SRPK1: variants seen among roughly 807,000 people sequenced by gnomAD.
SRPK1 encodes SRSF protein kinase 1.
A neutral mutation model predicts 89.5 loss-of-function variants in SRPK1; 52 were observed. The ratio of observed to expected loss-of-function variants is 0.58; its 90% CI spans 0.46 to 0.73. The LOEUF (loss-of-function observed/expected upper bound fraction) is 0.73. Ranked by LOEUF, SRPK1 falls within the 30% of genes least tolerant of loss-of-function variation. The probability of loss-of-function intolerance (pLI) is 0.00; values close to 1 mark genes in which losing one functional copy is unlikely to be tolerated. For synonymous variants in SRPK1, 255 were observed against 270.2 expected (o/e 0.94, Z 0.55); for missense variants, 603 against 780.6 (o/e 0.77, Z 2.71).
chr6:35,893,275 A>G (rs987643409), intron 2 of SRPK1, among the ~76,000 whole-genome samples: 2 of 152,208 alleles, frequency 1.3e-5, no homozygotes, highest in Non-Finnish European at 2.9e-5. Context: ...CCTTGAGCCT[A>G]AAAGTTCAAG....
intron 2 of SRPK1, among the ~76,000 whole-genome samples, chr6:35,892,398 T>C (rs1386571827): frequency 2.0e-5 from 3 of 152,050 alleles, no homozygotes; most frequent in African/African-American, 7.2e-5. Context: ...ATGCCTGTAA[T>C]CCCAGCACTT....
chr6:35,902,863 T>C (rs1178036957), intron 2 of SRPK1, among the ~76,000 whole-genome samples: 1 of 152,212 alleles, frequency 6.6e-6, no homozygotes, highest in African/African-American at 2.4e-5. Context: ...GCATAAAAAC[T>C]AGCAGAAGGG....
intron 13 of SRPK1, among the ~76,000 whole-genome samples, chr6:35,844,905 G>A (rs150788159): frequency 5.9e-5 from 9 of 152,160 alleles, no homozygotes; most frequent in East Asian, 1.9e-4. Context: ...AGAGCCAGCC[G>A]CGGCAGTGCT....
Position 35,835,219 on chromosome 6 carries a change from C to T in SRPK1, c.*85G>A. The stretch of plus-strand genomic sequence containing the variant: ...CTAGAAACTCTTGAAGGAAGAGCTT[C>T]ACCCTGAAAAGGGAAGAGGAAAATG... On this transcript the variant is annotated 3_prime_UTR_variant, in exon 16 of 16. Transcript: ENST00000373825. 8.4e-7 allele frequency: 1 copy of T among 1,190,268 alleles called. No homozygotes were observed. The highest frequency in any genetic ancestry group is 2.7e-5 in the Admixed American group (1 of 36,446). The allele number at this position is 1,190,268 out of a possible 1,614,324, so 73.7% of individuals were successfully genotyped here.
chr6:35,874,196 G>A (rs1283259924), intron 7 of SRPK1, 37 bp downstream of exon 7: 5 of 1,470,012 alleles, frequency 3.4e-6, no homozygotes, highest in Non-Finnish European at 3.8e-6. Context: ...TCACTACATA[G>A]TCAAGACTAA....
At chr6:35,889,668 C>T (rs1279337573) in intron 3 of SRPK1, among the ~76,000 whole-genome samples, 1 of 152,140 alleles carries the variant, frequency 6.6e-6, no homozygotes, top group Non-Finnish European at 1.5e-5. Flanking sequence ...CCTGTAGTCC[C>T]AGCTACTCGG....
At chr6:35,852,551 C>T (rs1166462037) in intron 13 of SRPK1, among the ~76,000 whole-genome samples, 2 of 152,204 alleles carry the variant, frequency 1.3e-5, no homozygotes, top group Non-Finnish European at 2.9e-5. Flanking sequence ...CAGTGACTTA[C>T]TGCTGTTGAA....
chr6:35,885,329 A>AGAGC (rs1275804013), intron 6 of SRPK1, among the ~76,000 whole-genome samples: 1 of 146,768 alleles, frequency 6.8e-6, no homozygotes, highest in African/African-American at 2.5e-5. Flanking sequence ...AGAGAGAGAG[A>AGAGC]GCCATCTACA....
At chr6:35,900,396 T>C (rs542299290) in intron 2 of SRPK1, among the ~76,000 whole-genome samples, 3 of 152,218 alleles carry the variant, frequency 2.0e-5, no homozygotes, top group Non-Finnish European at 4.4e-5. Context: ...GTATTCAACT[T>C]AGTTTTACTG....
intron 8 of SRPK1, among the ~76,000 whole-genome samples, chr6:35,871,731 C>G (rs192784994): frequency 2.8e-4 from 42 of 152,130 alleles, no homozygotes; most frequent in Admixed American, 5.9e-4. Context: ...CATAAAGCAG[C>G]CTTTATTTAT....
At chr6:35,854,337 T>C (rs911176617) in intron 13 of SRPK1, among the ~76,000 whole-genome samples, 1 of 152,176 alleles carries the variant, frequency 6.6e-6, no homozygotes, top group Non-Finnish European at 1.5e-5. Context: ...TCTCATTACC[T>C]CTCAGAGAGG....
At chr6:35,847,839 T>A (rs1010478924) in intron 13 of SRPK1, among the ~76,000 whole-genome samples, 30 of 152,194 alleles carry the variant, frequency 2.0e-4, no homozygotes, top group East Asian at 1.2e-3. Context: ...ATTTTATTTT[T>A]TTTTTTGAGA....
At chr6:35,915,455 A>T (rs2127270774) in intron 2 of SRPK1, among the ~76,000 whole-genome samples, 1 of 152,066 alleles carries the variant, frequency 6.6e-6, no homozygotes, top group East Asian at 1.9e-4. Context: ...ATTTTGACAA[A>T]ATGAACTAAA....
intron 13 of SRPK1, among the ~76,000 whole-genome samples, chr6:35,855,310 AAAAC>A (rs1417813610): frequency 1.3e-5 from 2 of 152,086 alleles, no homozygotes; most frequent in South Asian, 2.1e-4. Flanking sequence ...TCAGAAAAAA[AAAAC>A]AAACAAAAAC....
At chr6:35,882,538 G>T (rs977169300) in intron 6 of SRPK1, among the ~76,000 whole-genome samples, 3 of 151,822 alleles carry the variant, frequency 2.0e-5, no homozygotes, top group African/African-American at 7.3e-5. Flanking sequence ...GGCTGGTCTT[G>T]AACACCTCAG....
At chr6:35,914,844 G>C (rs1164346729) in intron 2 of SRPK1, among the ~76,000 whole-genome samples, 1 of 151,906 alleles carries the variant, frequency 6.6e-6, no homozygotes, top group Admixed American at 6.6e-5. Flanking sequence ...TGTTGCCCAG[G>C]CTAGAGTGCA....
At position 35,883,636 on chromosome 6, in the gene SRPK1, A is replaced by T. The variant is rs543310129; in HGVS notation, c.478+3088T>A. Among the ~76,000 whole-genome samples the T allele has an allele frequency of 2.0e-5, 3 of 152,338 alleles. No individual in the cohort carries two copies. The South Asian group carries it at 6.2e-4, about 32-fold the overall frequency. ...AGTAGCTTAAAAAAAAACTTGACAG[A>T]ACATCATAATCAAGTGGCAAAAAGG... is the stretch of plus-strand genomic sequence containing the variant. On this transcript the variant is annotated intron_variant, in intron 6 of 15. Transcript: ENST00000373825.
intron 2 of SRPK1, among the ~76,000 whole-genome samples, chr6:35,898,617 A>T (rs1385061017): frequency 6.6e-6 from 1 of 152,158 alleles, no homozygotes; most frequent in Non-Finnish European, 1.5e-5. Context: ...CTGTAATCTC[A>T]GCTACTTGGG....
At chr6:35,858,936 C>T (rs999084660) in intron 12 of SRPK1, among the ~76,000 whole-genome samples, 1 of 152,146 alleles carries the variant, frequency 6.6e-6, no homozygotes, top group African/African-American at 2.4e-5. Flanking sequence ...GTAGAAAGAA[C>T]ACTCAATGTA....
Sources: allele counts gnomAD v4.1 joint callset (sites outside exome capture counted in the v4.1 genomes callset), GRCh38; gene constraint gnomAD v4.1.1; transcripts MANE v1.5; gene names NCBI Gene and HGNC (gene_info 2026-07-23, HGNC 2026-07-21).